The following CALD1 variants were observed in gnomAD, a reference collection of about 807,000 sequenced individuals.
CALD1 encodes caldesmon 1, also known as caldesmon.
Under a neutral mutation model 99.9 loss-of-function variants are expected in CALD1, and 33 were observed. The ratio of observed to expected loss-of-function variants is 0.33; its 90% CI spans 0.25 to 0.44. The LOEUF is 0.44. CALD1 is among the 20% of genes least tolerant of loss of function. The probability of loss-of-function intolerance (pLI) is 1.00; values close to 1 mark genes in which losing one functional copy is unlikely to be tolerated. For missense variants in CALD1, 861 were observed against 962.1 expected, an observed-to-expected ratio of 0.89 and a Z score of 1.39; for synonymous variants, 310 against 325.0, an observed-to-expected ratio of 0.95 and a Z score of 0.50.
chr7:134,865,020 C>T (rs938010665), intron 2 of CALD1, among the ~76,000 whole-genome samples: 2 of 152,120 alleles, frequency 1.3e-5, no homozygotes, highest in East Asian at 1.9e-4. Flanking sequence ...CAGAGCCTCA[C>T]GACTGATGGA....
At chr7:134,811,895 C>A (rs565545304) in intron 1 of CALD1, among the ~76,000 whole-genome samples, 103 of 151,660 alleles carry the variant, frequency 6.8e-4, no homozygotes, top group African/African-American at 2.3e-3. Flanking sequence ...ATTTTTTTTT[C>A]CTGGAGTCAA....
At chr7:134,764,299 A>G (rs1410515433) in intron 1 of CALD1, among the ~76,000 whole-genome samples, 1 of 152,192 alleles carries the variant, frequency 6.6e-6, no homozygotes, top group Admixed American at 6.5e-5. Flanking sequence ...AGTTGAATAT[A>G]AATAATTTTG....
chr7:134,826,424 C>G (rs1798997292), intron 1 of CALD1, among the ~76,000 whole-genome samples: 1 of 152,042 alleles, frequency 6.6e-6, no homozygotes, highest in South Asian at 2.1e-4. Context: ...GAAGCATCTC[C>G]TAAGTACTCC....
the CALD1 span, among the ~76,000 whole-genome samples, chr7:134,737,258 A>G: frequency 1.9e-3 from 285 of 151,926 alleles, 1 homozygote; most frequent in Middle Eastern, 0.017. Flanking sequence ...CTGAGTAGCT[A>G]GGATTACAGG....
the CALD1 span, among the ~76,000 whole-genome samples, chr7:134,732,675 C>G: frequency 3.9e-5 from 6 of 152,332 alleles, no homozygotes; most frequent in East Asian, 9.6e-4. Flanking sequence ...TGGACCAAGA[C>G]AGGTTCTCTA....
chr7:134,919,810 T>G (rs967757022), intron 3 of CALD1, among the ~76,000 whole-genome samples: 9 of 152,198 alleles, frequency 5.9e-5, no homozygotes, highest in African/African-American at 1.9e-4. Context: ...ATTTTTTTTC[T>G]TCTAAACCAA....
intron 1 of CALD1, among the ~76,000 whole-genome samples, chr7:134,765,451 CCTT>C (rs760724295): frequency 2.5e-4 from 38 of 152,288 alleles, no homozygotes; most frequent in Non-Finnish European, 4.7e-4. Context: ...ACCTCTTCCT[CCTT>C]GATTGCCTGA....
intron 1 of CALD1, among the ~76,000 whole-genome samples, chr7:134,781,859 T>G (rs1031126679): frequency 6.6e-6 from 1 of 152,208 alleles, no homozygotes; most frequent in Non-Finnish European, 1.5e-5. Flanking sequence ...AAACTGCAGT[T>G]TAAAGGATTT....
intron 3 of CALD1, among the ~76,000 whole-genome samples, chr7:134,895,646 C>G (rs534231477): frequency 6.6e-6 from 1 of 152,100 alleles, no homozygotes; most frequent in Non-Finnish European, 1.5e-5. Flanking sequence ...GTTAGAATTA[C>G]GTTCAAAGTA....
At chr7:134,947,385 G>A in intron 7 of CALD1, 123 bp from the exon 8 acceptor site, 1 of 986,246 alleles carries the variant, frequency 1.0e-6, no homozygotes, top group Non-Finnish European at 1.5e-6. Flanking sequence ...CCTACCCCCT[G>A]GGCTAATGAG....
chr7:134,743,582 A>G (rs778207244), upstream of CALD1, among the ~76,000 whole-genome samples: 30 of 152,314 alleles, frequency 2.0e-4, no homozygotes, highest in Admixed American at 1.6e-3. Flanking sequence ...CAAAGTGGAG[A>G]TGTTCTCTGT....
At position 134,931,688 on chromosome 7, in the gene CALD1, A is replaced by G. The variant is rs546930603; in HGVS notation, c.219-1300A>G. Among the ~76,000 whole-genome samples, 7 of 152,294 alleles carry G rather than the reference A, an allele frequency of 4.6e-5. No individual in the cohort carries two copies. The East Asian group carries it at 1.2e-3, about 25-fold the overall frequency. On this transcript the variant is annotated intron_variant, in intron 4 of 14. Coordinates refer to ENST00000361675, the MANE Select transcript of CALD1 (RefSeq NM_033138.4). ...GACTGGTTGTTTCCTGCAAATAGAAACCAACACCCTGGCTTGGACAGTGTC... is the reference window on the plus strand; with the variant it reads ...GACTGGTTGTTTCCTGCAAATAGAAGCCAACACCCTGGCTTGGACAGTGTC...
chr7:134,806,298 T>A (rs1363630464), intron 1 of CALD1, among the ~76,000 whole-genome samples: 1 of 151,748 alleles, frequency 6.6e-6, no homozygotes, highest in Non-Finnish European at 1.5e-5. Flanking sequence ...CAAAAAGGGG[T>A]TTTTCTCCCC....
chr7:134,792,520 G>A (rs551050672), intron 1 of CALD1, among the ~76,000 whole-genome samples: 1 of 152,010 alleles, frequency 6.6e-6, no homozygotes, highest in African/African-American at 2.4e-5. Flanking sequence ...TCGAACTCCT[G>A]CTGTCAGGTG....
chr7:134,953,680 T>C (rs1440128347), intron 9 of CALD1, among the ~76,000 whole-genome samples: 21 of 145,672 alleles, frequency 1.4e-4, no homozygotes, highest in Non-Finnish European at 2.7e-4. Flanking sequence ...TTTTTTTTTT[T>C]CAGGAGAAAC....
rs537684755 is a variant in CALD1 at position 134,881,022 on chromosome 7, G to C, written c.71+13218G>C. On this transcript the variant is annotated intron_variant, in intron 3 of 14. Transcript: ENST00000361675. Reference sequence around the variant, plus strand: ...GATGTCTCATTGTGGCATTGTCAGAGCTATGGTAGAGCTGAAATCAGAGAC... The same window carrying C: ...GATGTCTCATTGTGGCATTGTCAGACCTATGGTAGAGCTGAAATCAGAGAC... Among the ~76,000 whole-genome samples the C allele has an allele frequency of 8.9e-4, 135 of 152,178 alleles. 3 individuals are homozygous for C. The highest frequency in any genetic ancestry group is 1.9e-4 in the Non-Finnish European group (13 of 68,036).
chr7:134,954,428 G>A (rs753731487), intron 9 of CALD1, among the ~76,000 whole-genome samples: 7 of 152,098 alleles, frequency 4.6e-5, no homozygotes, highest in Non-Finnish European at 7.3e-5. Context: ...AATTTCCCTT[G>A]TTAAATTCCT....
At chr7:134,819,310 AGACTCAAGTTT>A (rs1281017546) in intron 1 of CALD1, among the ~76,000 whole-genome samples, 1 of 152,144 alleles carries the variant, frequency 6.6e-6, no homozygotes, top group East Asian at 1.9e-4. Flanking sequence ...AAAGCTTAAC[AGACTCAAGTTT>A]GACTTATTAC....
intron 1 of CALD1, among the ~76,000 whole-genome samples, chr7:134,784,271 G>T (rs1238574119): frequency 6.6e-6 from 1 of 152,132 alleles, no homozygotes; most frequent in African/African-American, 2.4e-5. Context: ...TATTAAGCAG[G>T]AATATATAAT....
Sources: allele counts gnomAD v4.1 joint callset (sites outside exome capture counted in the v4.1 genomes callset), GRCh38; gene constraint gnomAD v4.1.1; transcripts MANE v1.5; gene names NCBI Gene and HGNC (gene_info 2026-07-23, HGNC 2026-07-21).